The following GPR149 variants were observed in gnomAD, a reference collection of about 807,000 sequenced individuals.
GPR149 encodes the protein G protein-coupled receptor 149, also known as probable G protein-coupled receptor 149.
A neutral mutation model predicts 50.2 loss-of-function variants in GPR149; 50 were observed. The ratio of observed to expected loss-of-function variants is 1.00; its 90% CI spans 0.79 to 1.26. The LOEUF (loss-of-function observed/expected upper bound fraction) is 1.26. GPR149 is among the 50% of genes most tolerant of loss of function. The probability of loss-of-function intolerance (pLI) is 0.00; values close to 1 mark genes in which losing one functional copy is unlikely to be tolerated. For synonymous variants in GPR149, 405 were observed against 358.2 expected (o/e 1.13, Z -1.48); for missense variants, 983 against 895.4 (o/e 1.10, Z -1.25).
intron 3 of GPR149, among the ~76,000 whole-genome samples, chr3:154,396,618 A>T (rs1715299661): frequency 6.6e-6 from 1 of 152,076 alleles, no homozygotes; most frequent in African/African-American, 2.4e-5. Flanking sequence ...AAATGTAAAC[A>T]AAATATGATT....
rs1715241653 is a variant in GPR149, at chr3:154,394,383, C to T, written c.1623+26656G>A. 2.0e-5 allele frequency among the ~76,000 whole-genome samples: 3 copies of T among 151,930 alleles called. No homozygotes were observed. In the South Asian group the frequency reaches 6.2e-4, roughly 32 times the overall value. Reference sequence around the variant, plus strand: ...CCACATGCAAAAGAATGAAAGTGGACCCTTGCTCAAAATGGTTTAAGTGCT... The same window carrying T: ...CCACATGCAAAAGAATGAAAGTGGATCCTTGCTCAAAATGGTTTAAGTGCT... On this transcript the variant is annotated intron_variant, in intron 3 of 3. Coordinates refer to ENST00000389740, the MANE Select transcript of GPR149 (RefSeq NM_001038705.3).
intron 3 of GPR149, among the ~76,000 whole-genome samples, chr3:154,378,296 G>A (rs568227026): frequency 6.3e-4 from 95 of 151,982 alleles, no homozygotes; most frequent in Non-Finnish European, 1.0e-3. Context: ...GTTTCACCAT[G>A]TTGGCCAGGC....
rs570959683 is a variant in GPR149, at chr3:154,422,481, T to C, written c.1175-994A>G. ...TCTACTTTGATAGCTCTGTGTTTTA[T>C]ACTGAGACATTTAGCTATCTTCGAT... On this transcript the variant is annotated intron_variant, in intron 2 of 3. Transcript: ENST00000389740. Among the ~76,000 whole-genome samples the C allele has an allele frequency of 8.6e-5, 13 of 151,848 alleles. No individual in the cohort carries two copies. In the South Asian group the frequency reaches 2.3e-3, roughly 27 times the overall value.
Position 154,337,555 on chromosome 3 carries a change from G to C in GPR149, c.*144C>G. ...CACTTAAGTGTTTACACTAGTTCCA[G>C]TTGTTCCCACAAAAAAATTAACTAT... On this transcript the variant is annotated 3_prime_UTR_variant, in exon 4 of 4. Coordinates refer to ENST00000389740, the MANE Select transcript of GPR149 (RefSeq NM_001038705.3). 1 of 620,270 alleles carries C rather than the reference G, an allele frequency of 1.6e-6. No homozygotes were observed. The highest frequency in any genetic ancestry group is 2.7e-6 in the Non-Finnish European group (1 of 370,708). 38.4% of individuals were successfully genotyped at this position (620,270 alleles called of 1,614,324 possible).
At chr3:154,377,579 T>C (rs894215258) in intron 3 of GPR149, among the ~76,000 whole-genome samples, 1 of 151,996 alleles carries the variant, frequency 6.6e-6, no homozygotes, top group African/African-American at 2.4e-5. Context: ...CTGGCCAGGC[T>C]GGTCTTGAAC....
chr3:154,428,385 G>A (rs866418221), intron 1 of GPR149, among the ~76,000 whole-genome samples: 23 of 152,300 alleles, frequency 1.5e-4, no homozygotes, highest in Admixed American at 7.2e-4. Flanking sequence ...AGTCGCTCGC[G>A]ACGGAAAGCG....
chr3:154,378,793 TTC>T (rs1375853055), intron 3 of GPR149, among the ~76,000 whole-genome samples: 1 of 152,170 alleles, frequency 6.6e-6, no homozygotes, highest in African/African-American at 2.4e-5. Flanking sequence ...TGGTTTTAAT[TTC>T]TGTTTGTCTA....
intron 3 of GPR149, among the ~76,000 whole-genome samples, chr3:154,405,762 A>G: frequency 6.6e-6 from 1 of 151,944 alleles, no homozygotes; most frequent in Non-Finnish European, 1.5e-5. Flanking sequence ...CCTATCTTAC[A>G]TCTACCACAA....
chr3:154,371,088 T>C (rs942880521), intron 3 of GPR149, among the ~76,000 whole-genome samples: 3 of 152,196 alleles, frequency 2.0e-5, no homozygotes, highest in African/African-American at 7.2e-5. Context: ...CACTTTTCCT[T>C]ATTAAAGGCA....
chr3:154,347,749 T>C (rs955976631), intron 3 of GPR149, among the ~76,000 whole-genome samples: 4 of 152,226 alleles, frequency 2.6e-5, no homozygotes, highest in Admixed American at 2.0e-4. Context: ...ATCCTTTCCA[T>C]GATGCCACTG....
At chr3:154,353,063 C>G (rs552181877) in intron 3 of GPR149, 1 of 1,412,396 alleles carries the variant, frequency 7.1e-7, no homozygotes, top group African/African-American at 1.4e-5. Context: ...CTCTTTGTGA[C>G]TGTGCAATAT....
intron 3 of GPR149, among the ~76,000 whole-genome samples, chr3:154,380,643 A>G (rs1023275691): frequency 2.8e-4 from 43 of 152,256 alleles, no homozygotes; most frequent in African/African-American, 9.9e-4. Flanking sequence ...TGTCCTTGAA[A>G]TCAATTAAAT....
At chr3:154,358,128 TG>T (rs1163905564) in intron 3 of GPR149, among the ~76,000 whole-genome samples, 1 of 130,358 alleles carries the variant, frequency 7.7e-6, no homozygotes, top group African/African-American at 2.9e-5. Context: ...CATCACACAC[TG>T]GGGCCTGTTG....
chr3:154,414,937 G>A (rs1039888630), intron 3 of GPR149, among the ~76,000 whole-genome samples: 2 of 151,884 alleles, frequency 1.3e-5, no homozygotes, highest in Admixed American at 1.3e-4. Context: ...AGAACAATTG[G>A]TAAAGCTGAA....
At chr3:154,382,694 A>G (rs1220470002) in intron 3 of GPR149, among the ~76,000 whole-genome samples, 2 of 152,202 alleles carry the variant, frequency 1.3e-5, no homozygotes, top group African/African-American at 4.8e-5. Context: ...TTCCTGAAGA[A>G]TAGGTTCATG....
chr3:154,348,054 G>A (rs777955380), intron 3 of GPR149, among the ~76,000 whole-genome samples: 2 of 152,184 alleles, frequency 1.3e-5, no homozygotes, highest in Non-Finnish European at 2.9e-5. Context: ...ATGAGTTAAT[G>A]CGTGTGAAAT....
chr3:154,369,274 C>T (rs1314528951), intron 3 of GPR149, among the ~76,000 whole-genome samples: 1 of 152,198 alleles, frequency 6.6e-6, no homozygotes, highest in African/African-American at 2.4e-5. Flanking sequence ...ACTGCCTTGC[C>T]ACAGTATTCC....
intron 3 of GPR149, among the ~76,000 whole-genome samples, chr3:154,418,959 C>G (rs1712062643): frequency 6.6e-6 from 1 of 151,974 alleles, no homozygotes; most frequent in African/African-American, 2.4e-5. Flanking sequence ...CAAAAAATGT[C>G]AGTCTGTGGT....
chr3:154,384,138 A>G (rs1714997422), intron 3 of GPR149, among the ~76,000 whole-genome samples: 1 of 152,204 alleles, frequency 6.6e-6, no homozygotes, highest in South Asian at 2.1e-4. Flanking sequence ...TGTACTTTGC[A>G]CTCAGAGTGC....
Sources: gnomAD v4.1 joint callset for allele counts (sites outside exome capture counted in the v4.1 genomes callset) on GRCh38, gnomAD v4.1.1 for gene constraint, MANE v1.5 for transcripts, NCBI Gene and HGNC (gene_info 2026-07-23, HGNC 2026-07-21) for gene names.